Variants in ECPAS observed in about 807,000 individuals in gnomAD.
ECPAS encodes the protein Ecm29 proteasome adaptor and scaffold.
Under a neutral mutation model 255.1 loss-of-function variants are expected in ECPAS, and 70 were observed. The observed-to-expected ratio is 0.27, with a 90% CI of 0.23 to 0.33. The LOEUF is 0.33. ECPAS is among the 10% of genes least tolerant of loss of function. The probability of loss-of-function intolerance (pLI) is 1.00; values close to 1 mark genes in which losing one functional copy is unlikely to be tolerated. For missense variants in ECPAS, 1,817 were observed against 2,206.4 expected (o/e 0.82, Z 3.54); for synonymous variants, 784 against 775.0 (o/e 1.01, Z -0.19).
chr9:111,446,411 G>A (rs1462569449), intron 3 of ECPAS, among the ~76,000 whole-genome samples: 1 of 152,152 alleles, frequency 6.6e-6, no homozygotes, highest in Non-Finnish European at 1.5e-5. Flanking sequence ...ATATTCTGCA[G>A]GGCCAGGTTT....
Position 111,423,207 on chromosome 9 carries a change from T to C in ECPAS, c.1257A>G (p.Lys419=), listed in dbSNP as rs1237963523. The change falls in exon 13 of 50, where the codon AAA becomes AAG. Residue 419 remains lysine, a synonymous_variant. Coordinates refer to ENST00000684092, the MANE Select transcript of ECPAS (RefSeq NM_001364929.1). ...LLSMAYSAVG[K]LSSRMPHLFT... The stretch of plus-strand genomic sequence containing the variant: ...AAAAAGAGTTTACTCACCTGGAGAG[T>C]TTTCCAACAGCTGAATATGCCATTG... 6.4e-7 allele frequency: 1 copy of C among 1,557,608 alleles called. No homozygotes were observed. The highest frequency in any genetic ancestry group is 1.2e-5 in the South Asian group (1 of 84,314).
At chr9:111,442,262 T>A (rs2098246934) in intron 5 of ECPAS, 44 bp downstream of exon 5, 2 of 1,280,326 alleles carry the variant, frequency 1.6e-6, no homozygotes, top group African/African-American at 3.0e-5. Flanking sequence ...AAGGCAGTTG[T>A]TGACTCCTGT....
At chr9:111,398,241 T>A (rs1007751719) in intron 24 of ECPAS, among the ~76,000 whole-genome samples, 1 of 152,222 alleles carries the variant, frequency 6.6e-6, no homozygotes, top group African/African-American at 2.4e-5. Context: ...GCTTTAGTCC[T>A]ACAGCTTCCC....
At chr9:111,452,935 T>C (rs553669010) in intron 2 of ECPAS, among the ~76,000 whole-genome samples, 29 of 152,292 alleles carry the variant, frequency 1.9e-4, no homozygotes, top group African/African-American at 6.7e-4. Context: ...AAGCGTCTTG[T>C]AGTGCCTAAA....
intron 16 of ECPAS, among the ~76,000 whole-genome samples, chr9:111,418,673 A>G (rs1241683848): frequency 6.6e-6 from 1 of 152,246 alleles, no homozygotes; most frequent in African/African-American, 2.4e-5. Flanking sequence ...CTAAGAAGGA[A>G]AACTGTTGAA....
rs1158319336 is a variant in ECPAS at position 111,378,646 on chromosome 9, C to A, written c.3888G>T (p.Glu1296Asp). The A allele has an allele frequency of 1.9e-6, 3 of 1,613,764 alleles. No homozygotes were observed. The highest frequency in any genetic ancestry group is 1.6e-4 in the Middle Eastern group (1 of 6,084). ...HAPKLIPALL[E>D]SLSVLEPQVL... ...CTTGGGGCTCCAATACACTTAAGGA[C>A]TCTAGCAGAGCTGGAATGAGTTTTG... Residue 1296 changes from glutamate to aspartate, a missense_variant, in exon 36 of 50, where the codon GAG becomes GAT. Around this residue, in one of 4 missense-constraint regions of ECPAS, gnomAD observed 960 missense variants for 1,179.0 expected, o/e 0.81. Transcript: ENST00000684092.
At chr9:111,440,775 T>TA (rs1269207568) in intron 5 of ECPAS, among the ~76,000 whole-genome samples, 1 of 152,192 alleles carries the variant, frequency 6.6e-6, no homozygotes, top group African/African-American at 2.4e-5. Flanking sequence ...CTGAAAAAAA[T>TA]ACATCAAATG....
At position 111,433,318 on chromosome 9, in the gene ECPAS, C is replaced by T; in HGVS notation, c.763G>A (p.Ala255Thr). 2 of 1,614,010 alleles carry T rather than the reference C, an allele frequency of 1.2e-6. No individual in the cohort carries two copies. The highest frequency in any genetic ancestry group is 2.2e-5 in the South Asian group (2 of 91,078). The change falls in exon 8 of 50, where the codon GCT becomes ACT. Residue 255 changes from alanine (A) to threonine (T), a missense_variant. Coordinates refer to ENST00000684092, the MANE Select transcript of ECPAS (RefSeq NM_001364929.1). ...IEAEQVPELE[A>T]VLHLVIASSD... ...GAGGCAATCACCAAGTGGAGAACAG[C>T]TTCAAGTTCAGGCACCTGTTCAGCT...
At chr9:111,376,568 G>T in intron 36 of ECPAS, 27 bp from the exon 37 acceptor site, 1 of 1,553,358 alleles carries the variant, frequency 6.4e-7, no homozygotes, top group Non-Finnish European at 8.8e-7. Context: ...AAAGTCACCC[G>T]GCACATTCAA....
rs775048460 is a variant in ECPAS, at chr9:111,414,625, A to C, written c.1791T>G (p.Leu597=). The part of the protein sequence containing the change: ...GEIVLYLRMC[L]AHSAGVVPTS... ...TGGGCACCACCCCCGCACTGTGCGC[A>C]AGGCACATGCGCAAGTACAGAACGA... Residue 597 remains leucine, a synonymous_variant, in exon 19 of 50, where the codon CTT becomes CTG. Transcript: ENST00000684092. The C allele has an allele frequency of 6.2e-7, 1 of 1,613,592 alleles. No individual in the cohort carries two copies. Among genetic ancestry groups the C allele is most frequent in the Non-Finnish European group, 8.5e-7 (1 of 1,179,816 alleles).
At chr9:111,440,064 T>C (rs535186570) in intron 6 of ECPAS, among the ~76,000 whole-genome samples, 1 of 152,192 alleles carries the variant, frequency 6.6e-6, no homozygotes, top group African/African-American at 2.4e-5. Context: ...AGTCTCGCTC[T>C]GTTACCCAGG....
intron 1 of ECPAS, among the ~76,000 whole-genome samples, chr9:111,477,536 A>C (rs997310560): frequency 2.6e-5 from 4 of 152,098 alleles, no homozygotes; most frequent in African/African-American, 9.7e-5. Flanking sequence ...CACACACACA[A>C]AAAGCCATTT....
At chr9:111,417,837 T>C (rs1443725096) in intron 17 of ECPAS, 46 bp downstream of exon 17, 25 of 1,470,524 alleles carry the variant, frequency 1.7e-5, no homozygotes, top group Non-Finnish European at 2.3e-5. Flanking sequence ...TTTATTTTCA[T>C]CATCCATTAT....
chr9:111,483,257 G>A (rs2098309502), intron 1 of ECPAS, among the ~76,000 whole-genome samples: 1 of 152,000 alleles, frequency 6.6e-6, no homozygotes, highest in South Asian at 2.1e-4. Context: ...CGCGGGCAGA[G>A]GTGGCTCCGC....
intron 36 of ECPAS, 69 bp downstream of exon 36, chr9:111,378,511 T>C (rs2098136242): frequency 1.4e-6 from 2 of 1,470,814 alleles, no homozygotes; most frequent in African/African-American, 1.4e-5. Flanking sequence ...GTCATTCAAA[T>C]GAACCTTGGT....
rs190516093 is a variant in ECPAS, at chr9:111,444,767, T to C, written c.154-273A>G. On this transcript the variant is annotated intron_variant, in intron 3 of 49. Transcript: ENST00000684092. ...GCTCTGTCGTGCAGGCTGGAGTGCA[T>C]TGACACAATCTTGGCTCACTGCAAC... Among the ~76,000 whole-genome samples, 206 of 152,254 alleles carry C rather than the reference T, an allele frequency of 1.4e-3. 1 individual carries two copies. The highest frequency in any genetic ancestry group is 4.5e-3 in the African/African-American group (189 of 41,542).
chr9:111,373,913 T>C (rs1304437612), intron 39 of ECPAS, 59 bp downstream of exon 39: 2 of 1,314,040 alleles, frequency 1.5e-6, no homozygotes, highest in Non-Finnish European at 2.2e-6. Context: ...TTTTTAAAAC[T>C]CTGTCACACA....
rs1234061478 is a variant in ECPAS at position 111,412,085 on chromosome 9, C to G, written c.2143G>C (p.Val715Leu). 3 of 1,599,028 alleles carry G rather than the reference C, an allele frequency of 1.9e-6. No individual in the cohort carries two copies. Among genetic ancestry groups the G allele is most frequent in the Non-Finnish European group, 2.6e-6 (3 of 1,175,468 alleles). Reference sequence around the variant, plus strand: ...AACTCATTCCCCGACACTGTTGATACCACTACAGAATAAAACAACGCTGCC... The same window carrying G: ...AACTCATTCCCCGACACTGTTGATAGCACTACAGAATAAAACAACGCTGCC... ...ELAALFYSVV[V>L]STVSGNELKS... The change falls in exon 21 of 50, where the codon GTA (valine) becomes CTA (leucine). Residue 715 changes from valine to leucine, a missense_variant. By Grantham distance (32) the Val-to-Leu change is conservative. This residue lies in a region of ECPAS where 194 missense variants were observed against 152.8 expected (regional missense o/e 1.27). Coordinates refer to ENST00000684092, the MANE Select transcript of ECPAS (RefSeq NM_001364929.1).
At chr9:111,471,476 A>G (rs1383099370) in intron 2 of ECPAS, among the ~76,000 whole-genome samples, 1 of 152,190 alleles carries the variant, frequency 6.6e-6, no homozygotes, top group African/African-American at 2.4e-5. Context: ...ATACCAAAAC[A>G]TAGTAGAATG....
Sources: allele counts gnomAD v4.1 joint callset (sites outside exome capture counted in the v4.1 genomes callset), GRCh38; gene constraint gnomAD v4.1.1; regional missense constraint gnomAD v4.1.1; transcripts MANE v1.5; gene names NCBI Gene and HGNC (gene_info 2026-07-23, HGNC 2026-07-21).